The following ZRANB3 variants were observed in gnomAD, a reference collection of about 807,000 sequenced individuals.
The protein encoded by ZRANB3 is zinc finger RANBP2-type containing 3.
In ZRANB3, 125 loss-of-function variants were observed where a neutral mutation model predicts 133.8. The observed-to-expected ratio is 0.93, with a 90% CI of 0.81 to 1.08. The LOEUF (loss-of-function observed/expected upper bound fraction) is 1.08, where lower values mean the gene tolerates loss of function less well. ZRANB3 is among the 50% of genes least tolerant of loss of function. The pLI, the probability that ZRANB3 is intolerant of heterozygous loss-of-function variation, is 0.00. For synonymous variants in ZRANB3, 387 were observed against 432.7 expected, an observed-to-expected ratio of 0.89 and a Z score of 1.31; for missense variants, 1,229 against 1,275.5, an observed-to-expected ratio of 0.96 and a Z score of 0.56.
intron 12 of ZRANB3, among the ~76,000 whole-genome samples, chr2:135,263,801 A>G (rs1000141675): frequency 6.6e-6 from 1 of 151,652 alleles, no homozygotes; most frequent in Non-Finnish European, 1.5e-5. Flanking sequence ...TTTTAGACAG[A>G]GTCTCACTCT....
intron 4 of ZRANB3, among the ~76,000 whole-genome samples, chr2:135,350,498 G>C (rs1449758272): frequency 6.6e-6 from 1 of 152,134 alleles, no homozygotes; most frequent in Non-Finnish European, 1.5e-5. Context: ...GACAATATTT[G>C]CTTCTATGCA....
At position 135,218,319 on chromosome 2, in the gene ZRANB3, G is replaced by A. The variant is rs528361561; in HGVS notation, c.2353-712C>T. Among the ~76,000 whole-genome samples, 5 of 152,118 alleles carry A rather than the reference G, an allele frequency of 3.3e-5. No individual in the cohort carries two copies. The East Asian group carries it at 7.7e-4, about 23-fold the overall frequency. On this transcript the variant is annotated intron_variant, in intron 16 of 20. Coordinates refer to ENST00000264159, the MANE Select transcript of ZRANB3 (RefSeq NM_032143.4). Reference sequence around the variant, plus strand: ...GAATTGCTTCGTAAATGATGCCTACGTTTTCACAGGAAAAAAAACATCAAT... The same window carrying A: ...GAATTGCTTCGTAAATGATGCCTACATTTTCACAGGAAAAAAAACATCAAT...
chr2:135,244,094 T>A, intron 12 of ZRANB3, among the ~76,000 whole-genome samples: 1 of 144,716 alleles, frequency 6.9e-6, no homozygotes. Context: ...GACTTATGTC[T>A]CCATTTCCCC....
intron 2 of ZRANB3, among the ~76,000 whole-genome samples, chr2:135,462,491 A>G (rs1471619148): frequency 6.6e-6 from 1 of 152,106 alleles, no homozygotes; most frequent in Non-Finnish European, 1.5e-5. Flanking sequence ...TCATATTATA[A>G]TAATTTTTCC....
chr2:135,337,577 TA>T (rs368645719), intron 6 of ZRANB3, among the ~76,000 whole-genome samples: 413 of 152,140 alleles, frequency 2.7e-3, no homozygotes, highest in African/African-American at 8.9e-3. Context: ...CATGCACTGT[TA>T]AAAAAAATCA....
In ZRANB3 at chr2:135,230,612, C is replaced by G. The variant is rs780327902; in HGVS notation, c.1855G>C (p.Ala619Pro). 4 of 1,612,814 alleles carry G rather than the reference C, an allele frequency of 2.5e-6. No individual in the cohort carries two copies. The highest frequency in any genetic ancestry group is 3.4e-6 in the Non-Finnish European group (4 of 1,179,578). ...CATTGCCAGCCCTCTACAGGAAAGG[C>G]TGGGGTGGTTAACTGGGCCTTGGCC... ...QEAKAQLTTP[A>P]FPVEGWQCSL... is the part of the protein sequence containing the mutation. Residue 619 changes from alanine to proline, a missense_variant, in exon 13 of 21, where the codon GCC becomes CCC. Coordinates refer to ENST00000264159, the MANE Select transcript of ZRANB3 (RefSeq NM_032143.4).
chr2:135,441,337 GA>G (rs1309729214), intron 2 of ZRANB3, among the ~76,000 whole-genome samples: 2 of 152,080 alleles, frequency 1.3e-5, no homozygotes, highest in African/African-American at 4.8e-5. Context: ...TCATGGTGTA[GA>G]AAGAAAAAAT....
chr2:135,342,028 T>A (rs1390841173), intron 6 of ZRANB3, among the ~76,000 whole-genome samples: 4 of 150,008 alleles, frequency 2.7e-5, no homozygotes, highest in Non-Finnish European at 4.4e-5. Flanking sequence ...CCTTGAAGCA[T>A]GTGATCTCTG....
chr2:135,217,388 A>C (rs1190775365), intron 17 of ZRANB3, 77 bp downstream of exon 17: 4 of 1,371,542 alleles, frequency 2.9e-6, no homozygotes, highest in Non-Finnish European at 3.9e-6. Flanking sequence ...GTGGTTCCAA[A>C]AGATGCCTCA....
chr2:135,301,190 T>A (rs2016642), intron 8 of ZRANB3, among the ~76,000 whole-genome samples: 28,328 of 150,464 alleles, frequency 0.19, 3,500 homozygotes, highest in South Asian at 0.33. Flanking sequence ...TGTTTATTTT[T>A]TTTTTTTTTT....
intron 3 of ZRANB3, among the ~76,000 whole-genome samples, chr2:135,366,982 T>C (rs1313199612): frequency 1.4e-4 from 21 of 151,988 alleles, no homozygotes; most frequent in Admixed American, 1.4e-3. Flanking sequence ...GATCATGCCA[T>C]TGCACTCCAG....
At chr2:135,510,914 GA>G in intron 1 of ZRANB3, 1 of 1,171,792 alleles carries the variant, frequency 8.5e-7, no homozygotes, top group Non-Finnish European at 1.3e-6. Context: ...GGTTGCCAAT[GA>G]AGAGTTGGTG....
chr2:135,481,042 C>CT (rs537314111), intron 2 of ZRANB3, among the ~76,000 whole-genome samples: 7 of 152,044 alleles, frequency 4.6e-5, no homozygotes, highest in African/African-American at 1.7e-4. Flanking sequence ...GGTTCCAAGT[C>CT]TTTGTTATTG....
At chr2:135,257,446 T>C (rs1679716351) in intron 12 of ZRANB3, among the ~76,000 whole-genome samples, 1 of 152,234 alleles carries the variant, frequency 6.6e-6, no homozygotes, top group African/African-American at 2.4e-5. Flanking sequence ...TCAATTCTCT[T>C]GGATGTACGA....
chr2:135,385,699 T>G (rs1222825544), intron 3 of ZRANB3, among the ~76,000 whole-genome samples: 1 of 152,140 alleles, frequency 6.6e-6, no homozygotes. Flanking sequence ...TCTGCAACCA[T>G]CTGGTCTTTG....
intron 2 of ZRANB3, among the ~76,000 whole-genome samples, chr2:135,447,470 A>C (rs1040813358): frequency 1.3e-5 from 2 of 152,024 alleles, no homozygotes; most frequent in African/African-American, 4.8e-5. Flanking sequence ...AGCATTCTCT[A>C]TGTTTCTCAG....
At chr2:135,223,515 G>C (rs1444679076) in intron 15 of ZRANB3, among the ~76,000 whole-genome samples, 1 of 151,436 alleles carries the variant, frequency 6.6e-6, no homozygotes, top group African/African-American at 2.4e-5. Flanking sequence ...TAGTAGAGGT[G>C]GGGGGTTTCA....
intron 3 of ZRANB3, among the ~76,000 whole-genome samples, chr2:135,387,883 T>A (rs1574018999): frequency 6.6e-6 from 1 of 152,324 alleles, no homozygotes; most frequent in Non-Finnish European, 1.5e-5. Context: ...GGAAAAGTGA[T>A]TTGTATAACG....
rs557345711 is a variant in ZRANB3 at position 135,412,611 on chromosome 2, T to A, written c.162-21791A>T. On this transcript the variant is annotated intron_variant, in intron 2 of 20. Coordinates refer to ENST00000264159, the MANE Select transcript of ZRANB3 (RefSeq NM_032143.4). ...GTTTTTTGATCTGCAGTTTTATGAATAAGAATAAATAATTGTGTAAAAGCT... is the reference window on the plus strand; with the variant it reads ...GTTTTTTGATCTGCAGTTTTATGAAAAAGAATAAATAATTGTGTAAAAGCT... 4.6e-5 allele frequency among the ~76,000 whole-genome samples: 7 copies of A among 152,232 alleles called. No homozygotes were observed. The South Asian group carries it at 6.2e-4, about 14-fold the overall frequency.
Sources: gnomAD v4.1 joint callset for allele counts (sites outside exome capture counted in the v4.1 genomes callset) on GRCh38, gnomAD v4.1.1 for gene constraint, MANE v1.5 for transcripts, NCBI Gene and HGNC (gene_info 2026-07-23, HGNC 2026-07-21) for gene names.